The following FBL variants were observed in gnomAD, a reference collection of about 807,000 sequenced individuals.
FBL encodes rRNA 2'-O-methyltransferase fibrillarin.
A neutral mutation model predicts 42.2 loss-of-function variants in FBL; 10 were observed. The ratio of observed to expected loss-of-function variants is 0.24; its 90% confidence interval spans 0.15 to 0.40. FBL has a LOEUF of 0.40. Among genes scored for constraint, FBL ranks in the 10% least tolerant of loss-of-function variants. The probability of loss-of-function intolerance (pLI) is 1.00; values close to 1 mark genes in which losing one functional copy is unlikely to be tolerated. For missense variants in FBL, 351 were observed against 439.2 expected (o/e 0.80, Z 1.79); for synonymous variants, 165 against 165.4 (o/e 1.00, Z 0.02).
intron 5 of FBL, 154 bp downstream of exon 5, chr19:39,838,881 G>GTCA (rs1969102824): frequency 1.4e-6 from 1 of 692,788 alleles, no homozygotes; most frequent in Admixed American, 2.8e-5. Flanking sequence ...ACATTATCTG[G>GTCA]TTCAAGCCAC....
Position 39,834,808 on chromosome 19 carries a change from G to GCCTCT in FBL, c.800_801insAGAGG (p.Asn267LysfsTer19). 1 of 1,614,200 alleles carries GCCTCT rather than the reference G, an allele frequency of 6.2e-7. No homozygotes were observed. The highest frequency in any genetic ancestry group is 8.5e-7 in the Non-Finnish European group (1 of 1,180,034). Reference sequence around the variant, plus strand: ...CGGCTGAGGCTGTGGAGTCAATGCAGTTGGCCTAAAGAGGAGAAAGGACTA... The same window carrying GCCTCT: ...CGGCTGAGGCTGTGGAGTCAATGCAGCCTCTTTGGCCTAAAGAGGAGAAAGGACTA... On this transcript the variant is annotated frameshift_variant, in exon 8 of 9. Transcript: ENST00000221801. LOFTEE classifies it high-confidence loss of function.
chr19:39,843,701 G>A (rs1599660085), intron 1 of FBL, among the ~76,000 whole-genome samples: 1 of 152,328 alleles, frequency 6.6e-6, no homozygotes, highest in East Asian at 1.9e-4. Context: ...AACACAGGCG[G>A]AGGTTGCAGT....
At position 39,840,636 on chromosome 19, in the gene FBL, ACCGCCG is replaced by A. The variant is rs757203661; in HGVS notation, c.156_161del (p.Gly57_Gly58del). 5.6e-6 allele frequency: 9 copies of A among 1,609,968 alleles called. No individual in the cohort carries two copies. Among genetic ancestry groups the A allele is most frequent in the Non-Finnish European group, 7.6e-6 (9 of 1,178,490 alleles). On this transcript the variant is annotated inframe_deletion, in exon 2 of 9. Coordinates refer to ENST00000221801, the MANE Select transcript of FBL (RefSeq NM_001436.4). The surrounding 1 kb of genome is among the most constrained non-coding windows in gnomAD (Gnocchi z 4.5). ...TCTTACCACCTCTTCCTCCTCCTCC[ACCGCCG>A]CCGCCGCCTCCACCTCCTCCTCGTC...
chr19:39,842,186 C>T (rs145213477), intron 1 of FBL, among the ~76,000 whole-genome samples: 177 of 151,924 alleles, frequency 1.2e-3, no homozygotes, highest in South Asian at 2.3e-3. Flanking sequence ...CCCAGGTTCA[C>T]GCCTTTCTCC....
At chr19:39,838,737 C>A (rs1029087039) in intron 5 of FBL, 1 of 270,120 alleles carries the variant, frequency 3.7e-6, no homozygotes, top group Non-Finnish European at 6.9e-6. Flanking sequence ...CAGGTTTTAG[C>A]AGCATAAAAT....
rs1177595126 is a variant in FBL, at chr19:39,839,117, T to A, written c.467A>T (p.His156Leu). Residue 156 changes from histidine (H) to leucine (L), a missense_variant, in exon 5 of 9, where the codon CAC (histidine) becomes CTC (leucine). Physicochemically the swap from His to Leu is moderately conservative, Grantham distance 99. Coordinates refer to ENST00000221801, the MANE Select transcript of FBL (RefSeq NM_001436.4). ...GAGAACCTTAGCCCCCGGTTTGATG[T>A]GGATCTGGTCCACACCACCCAGGAT... The part of the protein sequence containing the change: ...AAILGGVDQI[H>L]IKPGAKVLYL... 3 of 1,614,172 alleles carry A rather than the reference T, an allele frequency of 1.9e-6. No homozygotes were observed. Among genetic ancestry groups the A allele is most frequent in the Non-Finnish European group, 8.5e-7 (1 of 1,180,012 alleles).
rs1969181824 is a variant in FBL, at chr19:39,842,558, TA to T, written c.11-1772del. Among the ~76,000 whole-genome samples, 4 of 152,310 alleles carry T rather than the reference TA, an allele frequency of 2.6e-5. 1 individual carries two copies. In the South Asian group the frequency reaches 8.3e-4, roughly 32 times the overall value. The stretch of plus-strand genomic sequence containing the variant: ...CAAACAACCAAAAGTTGTTTACTTT[TA>T]ATCTTCTACTCCCTCTACAGTCCAC... On this transcript the variant is annotated intron_variant, in intron 1 of 8. Coordinates refer to ENST00000221801, the MANE Select transcript of FBL (RefSeq NM_001436.4).
intron 1 of FBL, among the ~76,000 whole-genome samples, chr19:39,845,505 T>C (rs1969245869): frequency 6.6e-6 from 1 of 152,182 alleles, no homozygotes; most frequent in Non-Finnish European, 1.5e-5. Context: ...GAGGCCCTTC[T>C]GCTGTCAAAG....
chr19:39,836,693 A>G, intron 6 of FBL, 25 bp from the exon 7 acceptor site: 5 of 1,585,828 alleles, frequency 3.2e-6, no homozygotes, highest in Non-Finnish European at 4.3e-6. Flanking sequence ...GCAGCAGTTA[A>G]AAGTTGGAGT....
chr19:39,835,912 C>T (rs12972005), intron 7 of FBL, among the ~76,000 whole-genome samples: 13,486 of 151,370 alleles, frequency 0.089, 680 homozygotes, highest in Middle Eastern at 0.18. Flanking sequence ...GGTGACAGAG[C>T]GAGACTCTGT....
At chr19:39,839,549 ACTAAATACAACATG>A (rs1306074966) in intron 4 of FBL, among the ~76,000 whole-genome samples, 1 of 152,142 alleles carries the variant, frequency 6.6e-6, no homozygotes, top group Non-Finnish European at 1.5e-5. Flanking sequence ...CACCGAACTA[ACTAAATACAACATG>A]GCATATGAGA....
In FBL at chr19:39,834,571, G is replaced by A; in HGVS notation, c.942-9C>T. On this transcript the variant is annotated splice_polypyrimidine_tract_variant and intron_variant, in intron 8 of 8. Transcript: ENST00000221801. ...TCACCTTGGGGGGTGGCCTGTGAGA[G>A]GAAGATAGGTGATGAAGGAGGGTCC... 1 of 1,614,166 alleles carries A rather than the reference G, an allele frequency of 6.2e-7. No individual in the cohort carries two copies. Among genetic ancestry groups the A allele is most frequent in the Non-Finnish European group, 8.5e-7 (1 of 1,180,022 alleles).
rs74523071 is a variant in FBL, at chr19:39,840,050, A to C, written c.378+183T>G. Among the ~76,000 whole-genome samples the C allele has an allele frequency of 9.1e-3, 1,387 of 152,210 alleles. 20 individuals carry two copies. The highest frequency in any genetic ancestry group is 0.031 in the African/African-American group (1,300 of 41,512). ...GTCTTGGAGGCCTGAGTGAAGACTC[A>C]GGAGTCTAACTGGAAGGCCGTGGGG... On this transcript the variant is annotated intron_variant, in intron 4 of 8. Transcript: ENST00000221801. The surrounding 1 kb of genome is among the most constrained non-coding windows in gnomAD (Gnocchi z 4.5).
chr19:39,846,214 C>T, intron 1 of FBL, 77 bp downstream of exon 1: 1 of 1,557,496 alleles, frequency 6.4e-7, no homozygotes, highest in Non-Finnish European at 8.9e-7. Context: ...CAAGGCCCCA[C>T]CCCTCCGATT....
At position 39,845,065 on chromosome 19, in the gene FBL, G is replaced by A. The variant is rs113424047; in HGVS notation, c.10+1226C>T. 4.0e-3 allele frequency among the ~76,000 whole-genome samples: 603 copies of A among 152,200 alleles called. 5 individuals are homozygous for A. Among genetic ancestry groups the A allele is most frequent in the African/African-American group, 0.014 (577 of 41,516 alleles). ...AGATCCCCAAACACGGAAGAGAAAGGGAACTTGGGAGAAGGGCACAGATCC... is the reference window on the plus strand; with the variant it reads ...AGATCCCCAAACACGGAAGAGAAAGAGAACTTGGGAGAAGGGCACAGATCC... On this transcript the variant is annotated intron_variant, in intron 1 of 8. Transcript: ENST00000221801.
chr19:39,839,652 A>C (rs1038072976), intron 4 of FBL, among the ~76,000 whole-genome samples: 2 of 152,198 alleles, frequency 1.3e-5, no homozygotes, highest in South Asian at 4.2e-4. Flanking sequence ...GGAGCAGGTG[A>C]AAATGGGAAA....
chr19:39,838,372 T>C (rs547765340), intron 5 of FBL: 1 of 152,508 alleles, frequency 6.6e-6, no homozygotes, highest in Admixed American at 6.6e-5. Flanking sequence ...GCAATTCTCC[T>C]GTCTCAGCCT....
Position 39,846,271 on chromosome 19 carries a change from GA to G in FBL, c.10+19del. On this transcript the variant is annotated intron_variant, in intron 1 of 8. Transcript: ENST00000221801. ...CGCCCGGCCTCCGTCCCTGACCCCG[GA>G]CCCTCACCCCAGCCTGACCTGGCTT... The G allele has an allele frequency of 1.9e-6, 3 of 1,613,726 alleles. No homozygotes were observed. Among genetic ancestry groups the G allele is most frequent in the Non-Finnish European group, 2.5e-6 (3 of 1,179,770 alleles).
chr19:39,839,244 TTC>T, intron 4 of FBL, 39 bp from the exon 5 acceptor site: 1 of 1,543,618 alleles, frequency 6.5e-7, no homozygotes, highest in Non-Finnish European at 8.8e-7. Flanking sequence ...TGCTAGGCTC[TTC>T]TGCAGGACCT....
Sources: gnomAD v4.1 joint callset for allele counts (sites outside exome capture counted in the v4.1 genomes callset) on GRCh38, gnomAD v4.1.1 for gene constraint, Gnocchi (gnomAD v3.1) non-coding constraint, MANE v1.5 for transcripts, NCBI Gene and HGNC (gene_info 2026-07-23, HGNC 2026-07-21) for gene names.